Variants in ERICH6 observed in about 807,000 individuals in gnomAD.
ERICH6 encodes glutamate-rich protein 6.
Under a neutral mutation model 71.0 loss-of-function variants are expected in ERICH6, and 71 were observed. The ratio of observed to expected loss-of-function variants is 1.00; its 90% CI spans 0.83 to 1.22. ERICH6 has a LOEUF of 1.22. Among genes scored for constraint, ERICH6 ranks in the 50% most tolerant of loss-of-function variants. ERICH6 has a pLI of 0.00. For missense variants in ERICH6, 808 were observed against 797.2 expected, an observed-to-expected ratio of 1.01 and a Z score of -0.16; for synonymous variants, 262 against 278.4, an observed-to-expected ratio of 0.94 and a Z score of 0.59.
intron 3 of ERICH6, among the ~76,000 whole-genome samples, chr3:150,690,871 A>G (rs933717792): frequency 2.6e-5 from 4 of 152,226 alleles, no homozygotes; most frequent in African/African-American, 9.6e-5. Flanking sequence ...TATTGATTTA[A>G]TAAAAAATAG....
In ERICH6 at chr3:150,703,735, A is replaced by ACCTCCTCCTCCTCCT. The variant is rs762270129; in HGVS notation, c.149_163dup (p.Glu50_Glu54dup). On this transcript the variant is annotated inframe_insertion, in exon 1 of 14. Coordinates refer to ENST00000295910, the MANE Select transcript of ERICH6 (RefSeq NM_152394.5). ...TTCCCCCACCAACTCCTCCTCCACC[A>ACCTCCTCCTCCTCCT]CCTCCTCCTCCTCCTCCTCCACCTC... 2 of 1,555,330 alleles carry ACCTCCTCCTCCTCCT rather than the reference A, an allele frequency of 1.3e-6. No homozygotes were observed. Among genetic ancestry groups the ACCTCCTCCTCCTCCT allele is most frequent in the African/African-American group, 3.2e-5 (2 of 63,250 alleles).
intron 13 of ERICH6, among the ~76,000 whole-genome samples, chr3:150,665,827 C>CAAAA (rs530457228): frequency 1.4e-5 from 1 of 69,970 alleles, no homozygotes. Flanking sequence ...GGCTCCATCT[C>CAAAA]AAAAAAAAAA....
chr3:150,688,318 CTCAAAAAAA>C (rs1712279863), intron 3 of ERICH6, among the ~76,000 whole-genome samples: 1 of 151,844 alleles, frequency 6.6e-6, no homozygotes, highest in Admixed American at 6.6e-5. Flanking sequence ...TAGGGAAGAG[CTCAAAAAAA>C]GCAAAAAAGC....
rs1712181540 is a variant in ERICH6, at chr3:150,686,278, G to A, written c.610+20C>T. 4.3e-6 allele frequency: 7 copies of A among 1,613,196 alleles called. No individual in the cohort carries two copies. Among genetic ancestry groups the A allele is most frequent in the Non-Finnish European group, 5.9e-6 (7 of 1,179,268 alleles). On this transcript the variant is annotated intron_variant, in intron 4 of 13. Coordinates refer to ENST00000295910, the MANE Select transcript of ERICH6 (RefSeq NM_152394.5). ...TTTACCTTTGCCAGCAAAAGGAGATGATGCCAAACATGTATTTACCTCTTA... is the reference window on the plus strand; with the variant it reads ...TTTACCTTTGCCAGCAAAAGGAGATAATGCCAAACATGTATTTACCTCTTA...
chr3:150,683,964 G>C (rs1181851672), intron 6 of ERICH6, among the ~76,000 whole-genome samples: 5 of 152,232 alleles, frequency 3.3e-5, no homozygotes, highest in Admixed American at 3.3e-4. Flanking sequence ...ACGTCTTGGG[G>C]GAGAAGCCGC....
At chr3:150,679,902 C>T (rs1440886075) in intron 9 of ERICH6, among the ~76,000 whole-genome samples, 3 of 152,250 alleles carry the variant, frequency 2.0e-5, no homozygotes, top group Non-Finnish European at 4.4e-5. Flanking sequence ...AGGCGATCCA[C>T]CCGCCTCAGC....
intron 3 of ERICH6, among the ~76,000 whole-genome samples, chr3:150,695,622 C>A (rs964486230): frequency 6.6e-6 from 1 of 152,032 alleles, no homozygotes; most frequent in Admixed American, 6.5e-5. Context: ...GGGCCGAGAT[C>A]GCGCCACTCC....
intron 2 of ERICH6, among the ~76,000 whole-genome samples, chr3:150,700,241 ATTTTTTTTTTTTTTTTTTTT>A (rs34624356): frequency 9.0e-6 from 1 of 110,958 alleles, no homozygotes; most frequent in African/African-American, 3.7e-5. Flanking sequence ...TGCCCGGCTA[ATTTTTTTTTTTTTTTTTTTT>A]TTTTTGTATT....
At chr3:150,696,340 A>C (rs1712657205) in intron 3 of ERICH6, among the ~76,000 whole-genome samples, 1 of 152,168 alleles carries the variant, frequency 6.6e-6, no homozygotes, top group African/African-American at 2.4e-5. Context: ...AAATTCTAGA[A>C]GTTTTAGAAG....
intron 7 of ERICH6, among the ~76,000 whole-genome samples, chr3:150,681,239 C>G (rs1026931204): frequency 2.0e-5 from 3 of 152,194 alleles, no homozygotes; most frequent in African/African-American, 7.2e-5. Context: ...AATTTACATT[C>G]TGTCTCTCTA....
intron 3 of ERICH6, among the ~76,000 whole-genome samples, chr3:150,688,627 T>C (rs1712292858): frequency 6.6e-6 from 1 of 152,220 alleles, no homozygotes; most frequent in Non-Finnish European, 1.5e-5. Flanking sequence ...TTCTATTCAA[T>C]GTCACGCCTC....
intron 13 of ERICH6, among the ~76,000 whole-genome samples, chr3:150,662,784 G>A (rs956631137): frequency 6.6e-6 from 1 of 152,142 alleles, no homozygotes; most frequent in Non-Finnish European, 1.5e-5. Context: ...GGGGGTGGGT[G>A]TGGCTGGTTT....
chr3:150,665,002 G>T (rs1208443878), intron 13 of ERICH6, among the ~76,000 whole-genome samples: 1 of 152,004 alleles, frequency 6.6e-6, no homozygotes, highest in East Asian at 1.9e-4. Context: ...GTGCAGGGGT[G>T]GGGGAAGGAA....
chr3:150,665,953 C>G (rs1727401541), intron 13 of ERICH6, among the ~76,000 whole-genome samples: 1 of 151,876 alleles, frequency 6.6e-6, no homozygotes, highest in Admixed American at 6.6e-5. Context: ...TTGTATCCAT[C>G]TCTATGTCTA....
rs1712900392 is a variant in ERICH6, at chr3:150,702,184, G to A, written c.404-6C>T. On this transcript the variant is annotated splice_region_variant and splice_polypyrimidine_tract_variant and intron_variant, in intron 1 of 13. Coordinates refer to ENST00000295910, the MANE Select transcript of ERICH6 (RefSeq NM_152394.5). ...CTGAAATATTTTAGGGAAACCTGTT[G>A]AATGAAACATTTAAAAATCAGCTAT... 1 of 1,533,962 alleles carries A rather than the reference G, an allele frequency of 6.5e-7. No homozygotes were observed. Among genetic ancestry groups the A allele is most frequent in the Non-Finnish European group, 8.9e-7 (1 of 1,126,148 alleles).
rs1576555439 is a variant in ERICH6, at chr3:150,682,597, T to G, written c.784-281A>C. ...TGCCTTCCTGGTATAAGAAGAAAGT[T>G]GCAGAAATGAATTCACTGTGGATAC... On this transcript the variant is annotated intron_variant, in intron 6 of 13. Coordinates refer to ENST00000295910, the MANE Select transcript of ERICH6 (RefSeq NM_152394.5). Among the ~76,000 whole-genome samples, 3 of 152,308 alleles carry G rather than the reference T, an allele frequency of 2.0e-5. No individual in the cohort carries two copies. In the South Asian group the frequency reaches 6.2e-4, roughly 32 times the overall value.
At chr3:150,694,573 G>A (rs2108074618) in intron 3 of ERICH6, among the ~76,000 whole-genome samples, 1 of 152,214 alleles carries the variant, frequency 6.6e-6, no homozygotes, top group East Asian at 1.9e-4. Flanking sequence ...TGCAACACGT[G>A]GATTACCACT....
Position 150,681,619 on chromosome 3 carries a change from TAG to T in ERICH6, c.882+597_882+598del, listed in dbSNP as rs1711941118. Among the ~76,000 whole-genome samples, 9 of 152,310 alleles carry T rather than the reference TAG, an allele frequency of 5.9e-5. No homozygotes were observed. In the South Asian group the frequency reaches 1.9e-3, roughly 32 times the overall value. ...TATGTTGAACCTTTCAAGGAACTAC[TAG>T]AGTGTTTTCCAAAGTGATGCACCAT... On this transcript the variant is annotated intron_variant, in intron 7 of 13. Coordinates refer to ENST00000295910, the MANE Select transcript of ERICH6 (RefSeq NM_152394.5).
intron 10 of ERICH6, among the ~76,000 whole-genome samples, chr3:150,676,312 C>T (rs1212633973): frequency 6.6e-6 from 1 of 151,744 alleles, no homozygotes; most frequent in Non-Finnish European, 1.5e-5. Flanking sequence ...TCATTTTTTT[C>T]CATTTCAAAT....
Sources: gnomAD v4.1 joint callset for allele counts (sites outside exome capture counted in the v4.1 genomes callset) on GRCh38, gnomAD v4.1.1 for gene constraint, MANE v1.5 for transcripts, NCBI Gene and HGNC (gene_info 2026-07-23, HGNC 2026-07-21) for gene names.